Variants in HSPH1 observed in about 807,000 individuals in gnomAD.
The protein encoded by HSPH1 is heat shock protein family H (Hsp110) member 1.
HSPH1 carries 40 observed loss-of-function variants against 100.0 expected under a neutral mutation model. The observed-to-expected ratio is 0.40, with a 90% CI of 0.31 to 0.52. HSPH1 has a LOEUF of 0.52. HSPH1 is among the 20% of genes least tolerant of loss of function. The pLI is 0.54. For synonymous variants in HSPH1, 403 were observed against 344.0 expected (o/e 1.17, Z -1.90); for missense variants, 876 against 1,015.1 (o/e 0.86, Z 1.86).
chr13:31,140,745 C>T, intron 13 of HSPH1: 1 of 173,784 alleles, frequency 5.8e-6, no homozygotes, highest in Non-Finnish European at 1.2e-5. Context: ...GATGTTCCCA[C>T]CTCAGTATGG....
At chr13:31,148,730 T>TAAAA (rs1423108144) in intron 8 of HSPH1, among the ~76,000 whole-genome samples, 2 of 152,090 alleles carry the variant, frequency 1.3e-5, no homozygotes, top group Non-Finnish European at 2.9e-5. Flanking sequence ...ATAACAGGTT[T>TAAAA]CACAGGGGAT....
chr13:31,159,446 T>C (rs1231571884), intron 1 of HSPH1, among the ~76,000 whole-genome samples: 1 of 152,108 alleles, frequency 6.6e-6, no homozygotes, highest in Non-Finnish European at 1.5e-5. Flanking sequence ...CAAAACAGAA[T>C]ATAAATGTCG....
At chr13:31,155,680 A>T in intron 2 of HSPH1, 26 bp from the exon 3 acceptor site, 3 of 1,564,590 alleles carry the variant, frequency 1.9e-6, no homozygotes, top group South Asian at 2.4e-5. Flanking sequence ...TGAGATTTTA[A>T]TTTTTTTCTT....
intron 1 of HSPH1, among the ~76,000 whole-genome samples, chr13:31,160,853 G>A (rs1021189617): frequency 5.3e-5 from 8 of 152,196 alleles, no homozygotes; most frequent in Non-Finnish European, 8.8e-5. Flanking sequence ...TAGCAACGAA[G>A]AGACTGGGTA....
Position 31,138,573 on chromosome 13 carries a change from A to G in HSPH1, c.2209-5T>C. 6.2e-7 allele frequency: 1 copy of G among 1,601,642 alleles called. No homozygotes were observed. The highest frequency in any genetic ancestry group is 8.5e-7 in the Non-Finnish European group (1 of 1,174,982). The stretch of plus-strand genomic sequence containing the variant: ...AATATGGTTGTATTTCTCATCCTGA[A>G]CAAAAATAACACGGTCATTCTGTAG... On this transcript the variant is annotated splice_polypyrimidine_tract_variant and splice_region_variant and intron_variant, in intron 16 of 17. Coordinates refer to ENST00000320027, the MANE Select transcript of HSPH1 (RefSeq NM_006644.4).
chr13:31,160,887 T>C (rs1267479232), intron 1 of HSPH1, among the ~76,000 whole-genome samples: 1 of 152,204 alleles, frequency 6.6e-6, no homozygotes, highest in African/African-American at 2.4e-5. Flanking sequence ...TAATCTTTCA[T>C]AGGACTGCTT....
At chr13:31,149,536 A>G (rs151241231) in intron 8 of HSPH1, among the ~76,000 whole-genome samples, 147 of 152,278 alleles carry the variant, frequency 9.7e-4, no homozygotes, top group African/African-American at 3.3e-3. Context: ...TGGGGATAAG[A>G]GAGGGTTATC....
At chr13:31,151,282 TA>T in intron 6 of HSPH1, 91 bp from the exon 7 acceptor site, 2 of 1,026,276 alleles carry the variant, frequency 1.9e-6, no homozygotes, top group Non-Finnish European at 2.8e-6. Flanking sequence ...AATGAAAGAC[TA>T]AGAGACTCAA....
At chr13:31,137,601 A>C in intron 17 of HSPH1, 77 bp from the exon 18 acceptor site, 14 of 1,022,252 alleles carry the variant, frequency 1.4e-5, no homozygotes, top group Non-Finnish European at 2.0e-5. Context: ...CCACATACTC[A>C]ACCCACTATT....
intron 4 of HSPH1, chr13:31,153,903 A>AT (rs937569541): frequency 2.6e-5 from 4 of 151,764 alleles, no homozygotes; most frequent in Non-Finnish European, 5.9e-5. Context: ...TAATTCTTTA[A>AT]TTTTGCCAGA....
In HSPH1 at chr13:31,149,947, AAAG is replaced by A; in HGVS notation, c.1137+4_1137+6del. On this transcript the variant is annotated splice_donor_5th_base_variant and intron_variant, in intron 8 of 17. Coordinates refer to ENST00000320027, the MANE Select transcript of HSPH1 (RefSeq NM_006644.4). ...TACACCAAGCAAAAGCAGAGTTGAG[AAAG>A]TACCTGTAATGCACATCCTCTGGCT... 6.2e-7 allele frequency: 1 copy of A among 1,608,446 alleles called. No individual in the cohort carries two copies. Among genetic ancestry groups the A allele is most frequent in the Non-Finnish European group, 8.5e-7 (1 of 1,174,986 alleles).
chr13:31,140,463 CCAAA>C (rs1278418415), intron 13 of HSPH1, 154 bp from the exon 14 acceptor site: 6 of 504,010 alleles, frequency 1.2e-5, no homozygotes, highest in Admixed American at 3.8e-5. Flanking sequence ...TTCCTACAAA[CCAAA>C]CAGACATTTC....
At position 31,150,105 on chromosome 13, in the gene HSPH1, T is replaced by A. The variant is rs534917739; in HGVS notation, c.986A>T (p.His329Leu). 20 of 1,613,424 alleles carry A rather than the reference T, an allele frequency of 1.2e-5. No individual in the cohort carries two copies. The highest frequency in any genetic ancestry group is 1.6e-5 in the Non-Finnish European group (19 of 1,179,530). ...VPLYSLLEQTHLKVEDVSAVE... is the reference protein window; with the variant it reads ...VPLYSLLEQTLLKVEDVSAVE... ...TGCACTCACATCTTCTACTTTGAGA[T>A]GAGTTTGTTCCAACAGTGAATAAAG... is the stretch of plus-strand genomic sequence containing the variant. Residue 329 changes from histidine (H) to leucine (L), a missense_variant, in exon 8 of 18, where the codon CAT (histidine) becomes CTT (leucine). Physicochemically the swap from His to Leu is moderately conservative, Grantham distance 99. Coordinates refer to ENST00000320027, the MANE Select transcript of HSPH1 (RefSeq NM_006644.4).
intron 11 of HSPH1, among the ~76,000 whole-genome samples, chr13:31,144,543 G>A (rs918016769): frequency 6.6e-6 from 1 of 152,052 alleles, no homozygotes; most frequent in Admixed American, 6.6e-5. Flanking sequence ...AAAGAAGAAT[G>A]AACCCTAGAG....
At chr13:31,149,708 T>C (rs1206407387) in intron 8 of HSPH1, among the ~76,000 whole-genome samples, 1 of 152,242 alleles carries the variant, frequency 6.6e-6, no homozygotes, top group Non-Finnish European at 1.5e-5. Flanking sequence ...TTTTCTGTGA[T>C]ATCCTCAGAA....
In HSPH1 at chr13:31,139,096, A is replaced by T; in HGVS notation, c.1992T>A (p.Asn664Lys). The change falls in exon 15 of 18, where the codon AAT (asparagine) becomes AAA (lysine). Residue 664 changes from asparagine (N) to lysine (K), a missense_variant. Physicochemically the swap from Asn to Lys is moderately conservative, Grantham distance 94. Transcript: ENST00000320027. ...EKFICEQDHQNFLRLLTETED... is the reference protein window; with the variant it reads ...EKFICEQDHQKFLRLLTETED... Reference sequence around the variant, plus strand: ...CAGTTTCTGTGAGGAGTCTCAAAAAATTTTGATGATCCTTAACACAAAATA... The same window carrying T: ...CAGTTTCTGTGAGGAGTCTCAAAAATTTTTGATGATCCTTAACACAAAATA... 1 of 1,604,830 alleles carries T rather than the reference A, an allele frequency of 6.2e-7. No individual in the cohort carries two copies. Among genetic ancestry groups the T allele is most frequent in the Non-Finnish European group, 8.5e-7 (1 of 1,171,812 alleles).
chr13:31,147,093 G>C (rs543165916), intron 10 of HSPH1, among the ~76,000 whole-genome samples: 5 of 152,196 alleles, frequency 3.3e-5, no homozygotes, highest in African/African-American at 1.2e-4. Flanking sequence ...CATGTACGAC[G>C]TTTTCAGTTT....
intron 2 of HSPH1, among the ~76,000 whole-genome samples, chr13:31,157,491 A>G (rs552590695): frequency 6.6e-6 from 1 of 152,352 alleles, no homozygotes; most frequent in Admixed American, 6.5e-5. Flanking sequence ...AGTTTGATAA[A>G]GTGCCAATTT....
chr13:31,138,882 T>C lies in HSPH1; in HGVS notation c.2107A>G (p.Lys703Glu). 6.2e-7 allele frequency: 1 copy of C among 1,607,156 alleles called. No homozygotes were observed. The highest frequency in any genetic ancestry group is 8.5e-7 in the Non-Finnish European group (1 of 1,176,562). ...EELMKIGTPV[K>E]VRFQEAEERP... ...TCTTCAGCTTCCTGAAACCGAACTT[T>C]AACTGGAGTGCCAATTTTCTAAAAT... The change falls in exon 16 of 18, where the codon AAA (lysine) becomes GAA (glutamate). Residue 703 changes from lysine to glutamate, a missense_variant. Transcript: ENST00000320027.
Sources: allele counts gnomAD v4.1 joint callset (sites outside exome capture counted in the v4.1 genomes callset), GRCh38; gene constraint gnomAD v4.1.1; transcripts MANE v1.5; gene names NCBI Gene and HGNC (gene_info 2026-07-23, HGNC 2026-07-21).